THSD4: variants seen among roughly 807,000 people sequenced by gnomAD.
THSD4 encodes the protein thrombospondin type-1 domain-containing protein 4.
A neutral mutation model predicts 119.0 loss-of-function variants in THSD4; 69 were observed. The observed-to-expected ratio is 0.58, with a 90% CI of 0.48 to 0.71. The LOEUF is 0.71. Ranked by LOEUF, THSD4 falls within the 30% of genes least tolerant of loss-of-function variation. The pLI, the probability that THSD4 is intolerant of heterozygous loss-of-function variation, is 0.00. For missense variants in THSD4, 1,393 were observed against 1,391.1 expected (o/e 1.00, Z -0.02); for synonymous variants, 524 against 540.4 (o/e 0.97, Z 0.42).
chr15:71,324,997 A>C (rs1271901001), intron 6 of THSD4, among the ~76,000 whole-genome samples: 2 of 152,168 alleles, frequency 1.3e-5, no homozygotes, highest in African/African-American at 4.8e-5. Context: ...TTTAATGGCC[A>C]TTCTTGCAGG....
intron 5 of THSD4, among the ~76,000 whole-genome samples, chr15:71,247,657 C>T (rs1339852632): frequency 1.3e-5 from 2 of 152,106 alleles, no homozygotes; most frequent in East Asian, 3.9e-4. Context: ...GAAGGAGGCA[C>T]TCAAGGAGCT....
chr15:71,593,349 G>A lies in THSD4; in HGVS notation c.1153-67181G>A, dbSNP rs1199667744. On this transcript the variant is annotated intron_variant, in intron 7 of 17. Transcript: ENST00000261862. ...TGAGGCAGGAGAATAGCGTGAACCC[G>A]GGAGGCGGAGCTTGCAGTGAGCCGA... Among the ~76,000 whole-genome samples, 4 of 27,156 alleles carry A rather than the reference G, an allele frequency of 1.5e-4. 1 individual carries two copies. Among genetic ancestry groups the A allele is most frequent in the African/African-American group, 2.9e-4 (4 of 13,980 alleles). The allele number at this position is 27,156 out of a possible 152,430, so 17.8% of individuals were successfully genotyped here.
intron 7 of THSD4, among the ~76,000 whole-genome samples, chr15:71,471,144 T>C (rs2047573299): frequency 6.6e-6 from 1 of 152,174 alleles, no homozygotes; most frequent in Admixed American, 6.5e-5. Flanking sequence ...CTCAGGACTT[T>C]GCTGCTCTCC....
intron 6 of THSD4, among the ~76,000 whole-genome samples, chr15:71,324,179 T>G (rs557752108): frequency 1.7e-4 from 26 of 152,180 alleles, no homozygotes; most frequent in Admixed American, 1.1e-3. Flanking sequence ...GTGATAGCTG[T>G]TTTTTGTGTT....
At chr15:71,599,368 C>G (rs2049965573) in intron 7 of THSD4, among the ~76,000 whole-genome samples, 3 of 152,120 alleles carry the variant, frequency 2.0e-5, no homozygotes, top group Non-Finnish European at 4.4e-5. Flanking sequence ...ACACAGAGCC[C>G]ACTTCCTGTC....
intron 11 of THSD4, 181 bp downstream of exon 11, chr15:71,738,188 A>G: frequency 1.4e-6 from 1 of 732,386 alleles, no homozygotes; most frequent in Non-Finnish European, 2.2e-6. Flanking sequence ...CCTATCGCAG[A>G]TCATCAGGCA....
rs992961611 is a variant in THSD4 at position 71,779,736 on chromosome 15, G to A, written c.*2362G>A. 6 of 152,158 alleles carry A rather than the reference G, an allele frequency of 3.9e-5. No homozygotes were observed. The highest frequency in any genetic ancestry group is 1.2e-4 in the African/African-American group (5 of 41,432). The allele number at this position is 152,158 out of a possible 1,614,324, so 9.4% of individuals were successfully genotyped here. The stretch of plus-strand genomic sequence containing the variant: ...AGGTTACCTAACCATTCTTTAAAAG[G>A]AGAATGACCCTCCATGGGAATGGCC... On this transcript the variant is annotated 3_prime_UTR_variant, in exon 18 of 18. Coordinates refer to ENST00000261862, the MANE Select transcript of THSD4 (RefSeq NM_024817.3).
At chr15:71,676,247 G>A (rs75994897) in intron 8 of THSD4, among the ~76,000 whole-genome samples, 6,124 of 152,040 alleles carry the variant, frequency 0.04, 164 homozygotes, top group Middle Eastern at 0.082. Flanking sequence ...TAATTCAGTG[G>A]CATTAAGTAC....
At chr15:71,589,568 G>T (rs950190453) in intron 7 of THSD4, among the ~76,000 whole-genome samples, 1 of 138,318 alleles carries the variant, frequency 7.2e-6, no homozygotes, top group African/African-American at 2.5e-5. Context: ...GTGTCACCCT[G>T]TTGGGTCATG....
intron 7 of THSD4, among the ~76,000 whole-genome samples, chr15:71,443,734 G>T (rs1273416030): frequency 6.6e-6 from 1 of 152,144 alleles, no homozygotes; most frequent in African/African-American, 2.4e-5. Flanking sequence ...CATGTTCAAA[G>T]CTGTATCCTG....
intron 6 of THSD4, among the ~76,000 whole-genome samples, chr15:71,339,915 C>T (rs903925036): frequency 2.6e-5 from 4 of 152,102 alleles, no homozygotes; most frequent in Admixed American, 2.6e-4. Flanking sequence ...CAGTCGCGTG[C>T]CACCATGCCC....
intron 6 of THSD4, among the ~76,000 whole-genome samples, chr15:71,311,116 T>C (rs2045104905): frequency 6.6e-6 from 1 of 152,152 alleles, no homozygotes; most frequent in Non-Finnish European, 1.5e-5. Flanking sequence ...ATCCCTTGGG[T>C]TTGGTCCTAA....
chr15:71,391,060 G>A (rs1254215742), intron 6 of THSD4, among the ~76,000 whole-genome samples: 3 of 143,728 alleles, frequency 2.1e-5, no homozygotes, highest in African/African-American at 7.8e-5. Context: ...ACCATGTCGC[G>A]CTCTGTCGCC....
intron 7 of THSD4, among the ~76,000 whole-genome samples, chr15:71,641,119 G>A (rs2050850483): frequency 6.6e-6 from 1 of 152,076 alleles, no homozygotes; most frequent in South Asian, 2.1e-4. Flanking sequence ...CTAATGTAAT[G>A]AGCTAAGATT....
chr15:71,556,842 T>C (rs894706702), intron 7 of THSD4, among the ~76,000 whole-genome samples: 2 of 152,156 alleles, frequency 1.3e-5, no homozygotes, highest in Non-Finnish European at 2.9e-5. Flanking sequence ...CAGTTTTATG[T>C]AGGAACTTTT....
chr15:71,265,628 G>A (rs1355613948), intron 6 of THSD4, among the ~76,000 whole-genome samples: 4 of 152,100 alleles, frequency 2.6e-5, no homozygotes, highest in Admixed American at 6.5e-5. Flanking sequence ...CCTGGAAAGG[G>A]GGCTGAAGCC....
chr15:71,360,225 T>TA (rs1395297428), intron 6 of THSD4, among the ~76,000 whole-genome samples: 1 of 152,248 alleles, frequency 6.6e-6, no homozygotes, highest in Non-Finnish European at 1.5e-5. Context: ...ATGGTGGTCT[T>TA]AGAGTAGTCA....
intron 7 of THSD4, among the ~76,000 whole-genome samples, chr15:71,571,676 G>C (rs975530552): frequency 2.0e-5 from 3 of 152,164 alleles, no homozygotes; most frequent in Non-Finnish European, 4.4e-5. Context: ...AGCCAAATGA[G>C]ATGGAAACCC....
intron 6 of THSD4, among the ~76,000 whole-genome samples, chr15:71,304,155 A>T (rs2044991366): frequency 6.6e-6 from 1 of 152,150 alleles, no homozygotes; most frequent in South Asian, 2.1e-4. Context: ...TCTGGGAGGC[A>T]TATTGAAAGG....
Sources: gnomAD v4.1 joint callset for allele counts (sites outside exome capture counted in the v4.1 genomes callset) on GRCh38, gnomAD v4.1.1 for gene constraint, MANE v1.5 for transcripts, NCBI Gene and HGNC (gene_info 2026-07-23, HGNC 2026-07-21) for gene names.